Variants in LINGO2 observed in about 807,000 individuals in gnomAD.
LINGO2 encodes the protein leucine rich repeat and Ig domain containing 2, also known as leucine-rich repeat and immunoglobulin-like domain-containing nogo receptor-interacting protein 2.
Under a neutral mutation model 30.6 loss-of-function variants are expected in LINGO2, and 14 were observed. The observed-to-expected ratio is 0.46, with a 90% CI of 0.30 to 0.72. The LOEUF is 0.72. Ranked by LOEUF, LINGO2 falls within the 30% of genes least tolerant of loss-of-function variation. LINGO2 has a pLI of 0.07. For missense variants in LINGO2, 729 were observed against 751.7 expected (o/e 0.97, Z 0.35); for synonymous variants, 317 against 288.5 (o/e 1.10, Z -1.00).
At chr9:28,048,731 AT>A (rs1824535674) in intron 4 of LINGO2, among the ~76,000 whole-genome samples, 1 of 150,918 alleles carries the variant, frequency 6.6e-6, no homozygotes, top group African/African-American at 2.4e-5. Context: ...AAAGGAAAAG[AT>A]TTAATAAATT....
At chr9:29,091,328 T>C in the LINGO2 span, among the ~76,000 whole-genome samples, 2 of 152,088 alleles carry the variant, frequency 1.3e-5, no homozygotes, top group Non-Finnish European at 2.9e-5. Context: ...TTTAGATTTA[T>C]AGACATTATT....
the LINGO2 span, among the ~76,000 whole-genome samples, chr9:29,087,732 G>A: frequency 1.3e-5 from 2 of 151,914 alleles, no homozygotes; most frequent in East Asian, 3.9e-4. Context: ...TAGGATTTTG[G>A]CAAGGTAGGA....
At chr9:28,919,719 C>T in the LINGO2 span, among the ~76,000 whole-genome samples, 1 of 145,902 alleles carries the variant, frequency 6.9e-6, no homozygotes, top group Non-Finnish European at 1.5e-5. Context: ...CAGTGTATTA[C>T]AGTGATATAT....
At chr9:28,770,809 T>C in the LINGO2 span, among the ~76,000 whole-genome samples, 3 of 152,314 alleles carry the variant, frequency 2.0e-5, no homozygotes, top group African/African-American at 7.2e-5. Flanking sequence ...AGTATGAATT[T>C]AACAAGGAAA....
intron 2 of LINGO2, among the ~76,000 whole-genome samples, chr9:28,425,831 G>C (rs10125468): frequency 0.16 from 24,787 of 151,836 alleles, 2,699 homozygotes; most frequent in African/African-American, 0.3. Flanking sequence ...GCCAAAATGG[G>C]AACTCTCTCA....
intron 4 of LINGO2, among the ~76,000 whole-genome samples, chr9:28,145,691 A>G (rs1484909975): frequency 6.6e-6 from 1 of 150,648 alleles, no homozygotes; most frequent in Non-Finnish European, 1.5e-5. Context: ...TCTCTCTCTC[A>G]TCTTGCTGGA....
intron 1 of LINGO2, among the ~76,000 whole-genome samples, chr9:28,610,930 A>G (rs187863910): frequency 1.3e-5 from 2 of 152,268 alleles, no homozygotes; most frequent in East Asian, 1.9e-4. Context: ...TATTCTAATA[A>G]TAAAAAACAA....
chr9:28,546,560 C>T lies in LINGO2; in HGVS notation c.-364-70535G>A, dbSNP rs1313625632. 2.6e-5 allele frequency among the ~76,000 whole-genome samples: 4 copies of T among 152,046 alleles called. No individual in the cohort carries two copies. In the South Asian group the frequency reaches 6.2e-4, roughly 24 times the overall value. The stretch of plus-strand genomic sequence containing the variant: ...GAGGGTCTTATGATCTATTATTAGA[C>T]AAGCTGGGTCAAACAATTTCATTAC... On this transcript the variant is annotated intron_variant, in intron 1 of 5. Coordinates refer to ENST00000379992, the Ensembl canonical transcript of LINGO2.
chr9:28,354,571 A>G (rs1296497689), intron 3 of LINGO2, among the ~76,000 whole-genome samples: 2 of 152,228 alleles, frequency 1.3e-5, no homozygotes, highest in East Asian at 1.9e-4. Flanking sequence ...TTCATGCTCA[A>G]GAAACATGGG....
chr9:28,292,477 T>G (rs189594894), intron 4 of LINGO2, among the ~76,000 whole-genome samples: 1 of 152,316 alleles, frequency 6.6e-6, no homozygotes, highest in East Asian at 1.9e-4. Flanking sequence ...TTAATTTTAT[T>G]TTTGAGACGG....
the LINGO2 span, among the ~76,000 whole-genome samples, chr9:28,974,504 T>G: frequency 6.6e-6 from 1 of 152,308 alleles, no homozygotes; most frequent in East Asian, 1.9e-4. Flanking sequence ...AGTTTTCTTT[T>G]TTATTGCTTA....
the LINGO2 span, among the ~76,000 whole-genome samples, chr9:28,965,118 T>G: frequency 1.2e-4 from 18 of 152,132 alleles, no homozygotes; most frequent in Middle Eastern, 3.4e-3. Flanking sequence ...AGAAATGACA[T>G]GCATTCCATC....
intron 4 of LINGO2, among the ~76,000 whole-genome samples, chr9:28,280,389 C>G (rs1275684437): frequency 6.6e-6 from 1 of 151,964 alleles, no homozygotes; most frequent in Non-Finnish European, 1.5e-5. Context: ...TATGGGAATA[C>G]AAACATGAAA....
intron 3 of LINGO2, among the ~76,000 whole-genome samples, chr9:28,296,586 C>T (rs1484204138): frequency 6.6e-6 from 1 of 152,276 alleles, no homozygotes; most frequent in African/African-American, 2.4e-5. Flanking sequence ...AAAGGCACAA[C>T]AGTATGATAT....
chr9:28,403,877 A>AT (rs1822381313), intron 2 of LINGO2, among the ~76,000 whole-genome samples: 1 of 152,094 alleles, frequency 6.6e-6, no homozygotes, highest in Non-Finnish European at 1.5e-5. Context: ...TGAATATAAG[A>AT]TTTTTTAAAT....
chr9:28,227,333 G>C (rs897703136), intron 4 of LINGO2, among the ~76,000 whole-genome samples: 4 of 152,024 alleles, frequency 2.6e-5, no homozygotes, highest in Admixed American at 2.6e-4. Flanking sequence ...TTATTTAGGA[G>C]AGATAGAGCA....
intron 2 of LINGO2, among the ~76,000 whole-genome samples, chr9:28,434,860 G>T (rs962607898): frequency 6.6e-6 from 1 of 151,952 alleles, no homozygotes; most frequent in African/African-American, 2.4e-5. Context: ...TGGAACACTT[G>T]TACAAAAGAA....
At chr9:28,991,898 C>A in the LINGO2 span, among the ~76,000 whole-genome samples, 1 of 151,852 alleles carries the variant, frequency 6.6e-6, no homozygotes, top group Non-Finnish European at 1.5e-5. Flanking sequence ...TCGGTACCAG[C>A]CACTGCAAAA....
the LINGO2 span, among the ~76,000 whole-genome samples, chr9:28,991,619 G>C: frequency 3.4e-5 from 5 of 147,918 alleles, no homozygotes; most frequent in East Asian, 6.0e-4. Context: ...CAGAGAGAAA[G>C]GTCGGGTTAC....
Sources: gnomAD v4.1 joint callset for allele counts (sites outside exome capture counted in the v4.1 genomes callset) on GRCh38, gnomAD v4.1.1 for gene constraint, MANE v1.5 for transcripts, NCBI Gene and HGNC (gene_info 2026-07-23, HGNC 2026-07-21) for gene names.